The following MALRD1 variants were observed in gnomAD, a reference collection of about 807,000 sequenced individuals.
MALRD1 encodes the protein MAM and LDL-receptor class A domain-containing protein 1.
In MALRD1, 247 loss-of-function variants were observed where a neutral mutation model predicts 242.1. The ratio of observed to expected loss-of-function variants is 1.02; its 90% CI spans 0.92 to 1.13. The LOEUF (loss-of-function observed/expected upper bound fraction) is 1.13, where lower values mean the gene tolerates loss of function less well. Ranked by LOEUF, MALRD1 falls within the 50% of genes most tolerant of loss-of-function variation. The pLI is 0.00. For synonymous variants in MALRD1, 995 were observed against 866.6 expected (o/e 1.15, Z -2.60); for missense variants, 2,989 against 2,533.1 (o/e 1.18, Z -3.86).
At chr10:19,699,328 G>GAGGGA (rs1564551202) in intron 38 of MALRD1, among the ~76,000 whole-genome samples, 68 of 151,164 alleles carry the variant, frequency 4.5e-4, no homozygotes, top group African/African-American at 1.6e-3. Flanking sequence ...GGAGGGAAAG[G>GAGGGA]TAGGAGGGAG....
chr10:19,438,654 C>T (rs1351233051), intron 28 of MALRD1, among the ~76,000 whole-genome samples: 1 of 152,118 alleles, frequency 6.6e-6, no homozygotes, highest in African/African-American at 2.4e-5. Context: ...TGCCTCTTCA[C>T]CAACACTTGT....
At chr10:19,405,606 G>C (rs1015471698) in intron 28 of MALRD1, among the ~76,000 whole-genome samples, 8 of 152,134 alleles carry the variant, frequency 5.3e-5, no homozygotes, top group Non-Finnish European at 4.4e-5. Context: ...ACATGTTATA[G>C]ATTTCACAGA....
chr10:19,372,472 A>ATT (rs972733463), intron 26 of MALRD1, among the ~76,000 whole-genome samples: 2 of 145,012 alleles, frequency 1.4e-5, no homozygotes. Flanking sequence ...ATAATATTTA[A>ATT]TTTTTTTTTT....
chr10:19,279,642 T>C (rs1272469468), intron 19 of MALRD1, among the ~76,000 whole-genome samples: 1 of 152,216 alleles, frequency 6.6e-6, no homozygotes, highest in Non-Finnish European at 1.5e-5. Flanking sequence ...TGAGGAGATG[T>C]TAGATTTATT....
intron 28 of MALRD1, among the ~76,000 whole-genome samples, chr10:19,400,448 C>T (rs4271289): frequency 0.87 from 131,941 of 151,564 alleles, 57,777 homozygotes; most frequent in African/African-American, 0.92. Flanking sequence ...TGTTCTCCAG[C>T]GACAAGGGAG....
intron 2 of MALRD1, among the ~76,000 whole-genome samples, chr10:19,076,684 C>A (rs1372082181): frequency 3.3e-5 from 5 of 152,108 alleles, no homozygotes; most frequent in Admixed American, 1.3e-4. Context: ...TTGATTACTG[C>A]AGCCTTGTAC....
intron 36 of MALRD1, among the ~76,000 whole-genome samples, chr10:19,661,098 C>T (rs906997702): frequency 6.6e-6 from 1 of 152,092 alleles, no homozygotes; most frequent in Non-Finnish European, 1.5e-5. Flanking sequence ...CCATCTCACA[C>T]CAGTTAGAAT....
At chr10:19,140,241 T>C (rs1833491596) in intron 10 of MALRD1, among the ~76,000 whole-genome samples, 1 of 152,180 alleles carries the variant, frequency 6.6e-6, no homozygotes, top group Non-Finnish European at 1.5e-5. Context: ...CCAGAATTTT[T>C]CCCAGCTGCA....
chr10:19,103,178 G>T (rs1456356782), intron 4 of MALRD1, among the ~76,000 whole-genome samples: 2 of 152,036 alleles, frequency 1.3e-5, no homozygotes. Context: ...ATAAGTCACA[G>T]AACAATCATT....
intron 4 of MALRD1, 35 bp from the exon 5 acceptor site, chr10:19,103,944 T>TTTTTG (rs1421481707): frequency 3.1e-5 from 36 of 1,151,228 alleles, no homozygotes; most frequent in South Asian, 4.4e-5. Flanking sequence ...TTGCTTTATG[T>TTTTTG]TTTTGTTTTG....
At chr10:19,365,688 A>C (rs12260857) in intron 26 of MALRD1, among the ~76,000 whole-genome samples, 92,260 of 142,362 alleles carry the variant, frequency 0.65, 29,697 homozygotes, top group African/African-American at 0.72. Flanking sequence ...AAAAAAAAAA[A>C]CAAGCTACTA....
intron 36 of MALRD1, among the ~76,000 whole-genome samples, chr10:19,651,395 T>A (rs1840882037): frequency 6.6e-6 from 1 of 152,172 alleles, no homozygotes; most frequent in African/African-American, 2.4e-5. Flanking sequence ...TAGAAAACAA[T>A]ATAAATAATG....
intron 26 of MALRD1, among the ~76,000 whole-genome samples, chr10:19,385,108 A>G (rs1340116821): frequency 6.6e-6 from 1 of 151,884 alleles, no homozygotes; most frequent in Non-Finnish European, 1.5e-5. Flanking sequence ...GTCAGGTGTA[A>G]TCTTATGTGG....
rs113297870 is a variant in MALRD1, at chr10:19,271,732, C to T, written c.3080-8315C>T. Among the ~76,000 whole-genome samples the T allele has an allele frequency of 6.0e-4, 92 of 152,250 alleles. 1 individual carries two copies. Among genetic ancestry groups the T allele is most frequent in the African/African-American group, 2.1e-3 (88 of 41,538 alleles). On this transcript the variant is annotated intron_variant, in intron 19 of 39. Coordinates refer to ENST00000454679, the MANE Select transcript of MALRD1 (RefSeq NM_001142308.3). ...GAGCCGAGATCTCACCACTGCACTCCATCCTGGGCAACAGAGCGAGATTCT... is the reference window on the plus strand; with the variant it reads ...GAGCCGAGATCTCACCACTGCACTCTATCCTGGGCAACAGAGCGAGATTCT...
chr10:19,424,213 G>A (rs1355336024), intron 28 of MALRD1, among the ~76,000 whole-genome samples: 1 of 151,980 alleles, frequency 6.6e-6, no homozygotes, highest in Non-Finnish European at 1.5e-5. Flanking sequence ...AGGGTGGAGT[G>A]CAGTGGCACA....
chr10:19,295,203 A>G (rs1182380868), intron 21 of MALRD1, among the ~76,000 whole-genome samples: 1 of 152,070 alleles, frequency 6.6e-6, no homozygotes, highest in Non-Finnish European at 1.5e-5. Context: ...GTTAATTATT[A>G]TTATTATAAA....
At chr10:19,102,000 A>G (rs936044139) in intron 4 of MALRD1, among the ~76,000 whole-genome samples, 10 of 139,824 alleles carry the variant, frequency 7.2e-5, no homozygotes, top group Admixed American at 1.5e-4. Context: ...TAATTATAAC[A>G]TATATCTATA....
intron 29 of MALRD1, among the ~76,000 whole-genome samples, chr10:19,475,787 C>T (rs1448634408): frequency 6.6e-6 from 1 of 152,116 alleles, no homozygotes; most frequent in Non-Finnish European, 1.5e-5. Flanking sequence ...CTTTCTATGT[C>T]AATAATAGAC....
intron 36 of MALRD1, among the ~76,000 whole-genome samples, chr10:19,648,469 C>T (rs1840738168): frequency 6.6e-6 from 1 of 152,158 alleles, no homozygotes; most frequent in Non-Finnish European, 1.5e-5. Flanking sequence ...TTTCACAGAT[C>T]AGCCCTATCA....
Sources: allele counts gnomAD v4.1 joint callset (sites outside exome capture counted in the v4.1 genomes callset), GRCh38; gene constraint gnomAD v4.1.1; transcripts MANE v1.5; gene names NCBI Gene and HGNC (gene_info 2026-07-23, HGNC 2026-07-21).